Variants in CAMKMT observed in about 807,000 individuals in gnomAD.
CAMKMT encodes the protein CaM KMT.
A neutral mutation model predicts 48.0 loss-of-function variants in CAMKMT; 53 were observed. That is an observed-to-expected ratio of 1.10 (90% CI 0.89 to 1.39). The LOEUF (loss-of-function observed/expected upper bound fraction) is 1.39. Ranked by LOEUF, CAMKMT falls within the 40% of genes most tolerant of loss-of-function variation. The pLI is 0.00. For missense variants in CAMKMT, 428 were observed against 402.7 expected, an observed-to-expected ratio of 1.06 and a Z score of -0.54; for synonymous variants, 165 against 152.3, an observed-to-expected ratio of 1.08 and a Z score of -0.61.
rs1211773504 is a variant in CAMKMT at position 44,561,710 on chromosome 2, T to C, written c.377-142573T>C. Among the ~76,000 whole-genome samples the C allele has an allele frequency of 1.2e-4, 18 of 152,240 alleles. No homozygotes were observed. In the East Asian group the frequency reaches 3.5e-3, roughly 29 times the overall value. The stretch of plus-strand genomic sequence containing the variant: ...AAGCTATAGATAGACAACAATATTA[T>C]GGGGTTTAGAGCAAGTTGCACTTAA... On this transcript the variant is annotated intron_variant, in intron 3 of 10. Coordinates refer to ENST00000378494, the MANE Select transcript of CAMKMT (RefSeq NM_024766.5).
chr2:44,612,814 A>G (rs560999735), intron 3 of CAMKMT, among the ~76,000 whole-genome samples: 10 of 152,296 alleles, frequency 6.6e-5, no homozygotes, highest in South Asian at 2.1e-4. Context: ...TAGTAAGACT[A>G]TTTTAATTAT....
At position 44,390,240 on chromosome 2, in the gene CAMKMT, G is replaced by A. The variant is rs758160281; in HGVS notation, c.312-1G>A. On this transcript the variant is annotated splice_acceptor_variant, in intron 2 of 10. Transcript: ENST00000378494. LOFTEE classifies it high-confidence loss of function. ...AAAGCAAACGCTTTACTCCTTTCTA[G>A]GCATAATAGTGGATCCTTGAATGTT... 1 of 1,603,652 alleles carries A rather than the reference G, an allele frequency of 6.2e-7. No individual in the cohort carries two copies. Among genetic ancestry groups the A allele is most frequent in the South Asian group, 1.1e-5 (1 of 88,860 alleles).
At chr2:44,543,970 A>T (rs1484954691) in intron 3 of CAMKMT, among the ~76,000 whole-genome samples, 2 of 152,172 alleles carry the variant, frequency 1.3e-5, no homozygotes, top group Non-Finnish European at 1.5e-5. Context: ...GGTTTAACCA[A>T]AGCTCAGGGG....
chr2:44,465,164 TTA>T (rs1668045404), intron 3 of CAMKMT, among the ~76,000 whole-genome samples: 1 of 152,130 alleles, frequency 6.6e-6, no homozygotes, highest in Non-Finnish European at 1.5e-5. Flanking sequence ...AATGAAATAT[TTA>T]TATGTGATTT....
chr2:44,575,156 G>T (rs961630295), intron 3 of CAMKMT, among the ~76,000 whole-genome samples: 1 of 152,102 alleles, frequency 6.6e-6, no homozygotes, highest in African/African-American at 2.4e-5. Context: ...TCGGCTCACT[G>T]CAACCTCCGT....
rs959710254 is a variant in CAMKMT, at chr2:44,563,264, A to T, written c.377-141019A>T. On this transcript the variant is annotated intron_variant, in intron 3 of 10. Transcript: ENST00000378494. ...TTTTTGTTTCTTTCTTAAAAAAAGGATTATACTACCTGTACTGTTTTATAA... is the reference window on the plus strand; with the variant it reads ...TTTTTGTTTCTTTCTTAAAAAAAGGTTTATACTACCTGTACTGTTTTATAA... 4.6e-5 allele frequency among the ~76,000 whole-genome samples: 7 copies of T among 151,480 alleles called. 1 individual carries two copies. Among genetic ancestry groups the T allele is most frequent in the African/African-American group, 7.3e-5 (3 of 41,206 alleles).
At chr2:44,700,979 T>C (rs1360529988) in intron 3 of CAMKMT, among the ~76,000 whole-genome samples, 1 of 152,254 alleles carries the variant, frequency 6.6e-6, no homozygotes, top group East Asian at 1.9e-4. Flanking sequence ...TCAGTTCTTC[T>C]TTTATTGTCA....
chr2:44,662,080 G>C (rs2104086954), intron 3 of CAMKMT, among the ~76,000 whole-genome samples: 1 of 152,318 alleles, frequency 6.6e-6, no homozygotes, highest in East Asian at 1.9e-4. Context: ...AACTTAATCA[G>C]AGACTAACAG....
intron 8 of CAMKMT, among the ~76,000 whole-genome samples, chr2:44,752,900 G>C (rs1047228216): frequency 5.3e-5 from 8 of 152,110 alleles, no homozygotes; most frequent in African/African-American, 1.9e-4. Context: ...ATAGCATCAG[G>C]CATGGCCAAG....
chr2:44,534,979 A>T (rs1371858981), intron 3 of CAMKMT, among the ~76,000 whole-genome samples: 1 of 152,066 alleles, frequency 6.6e-6, no homozygotes, highest in Non-Finnish European at 1.5e-5. Context: ...ATAAATGGCT[A>T]TAACCAAAAA....
At chr2:44,665,599 T>A (rs1397642623) in intron 3 of CAMKMT, among the ~76,000 whole-genome samples, 1 of 152,184 alleles carries the variant, frequency 6.6e-6, no homozygotes, top group Non-Finnish European at 1.5e-5. Flanking sequence ...TTTAAGGCAT[T>A]TGTCCCTCAA....
At chr2:44,603,420 A>G (rs1392368287) in intron 3 of CAMKMT, among the ~76,000 whole-genome samples, 3 of 152,214 alleles carry the variant, frequency 2.0e-5, no homozygotes, top group Admixed American at 2.0e-4. Context: ...ATTCTTTTAC[A>G]TTTATTAATT....
At chr2:44,616,852 C>A (rs1671921587) in intron 3 of CAMKMT, among the ~76,000 whole-genome samples, 1 of 152,074 alleles carries the variant, frequency 6.6e-6, no homozygotes, top group South Asian at 2.1e-4. Flanking sequence ...TATGCAGCTG[C>A]TTTGATGAAG....
Position 44,372,894 on chromosome 2 carries a change from C to G in CAMKMT, c.311+6C>G, listed in dbSNP as rs373145972. 70 of 1,600,736 alleles carry G rather than the reference C, an allele frequency of 4.4e-5. No individual in the cohort carries two copies. Among genetic ancestry groups the G allele is most frequent in the Non-Finnish European group, 5.7e-5 (67 of 1,175,600 alleles). ...GAATACAGTATCTCCTTAAGGTAAC[C>G]ATTATTCTAGTTAAGATTTTGTAAA... On this transcript the variant is annotated splice_donor_region_variant and intron_variant, in intron 2 of 10. Transcript: ENST00000378494.
At chr2:44,648,251 A>G (rs550064089) in intron 3 of CAMKMT, among the ~76,000 whole-genome samples, 1 of 152,334 alleles carries the variant, frequency 6.6e-6, no homozygotes, top group African/African-American at 2.4e-5. Flanking sequence ...TGGAAGGCCC[A>G]CCTAATTGTC....
intron 9 of CAMKMT, among the ~76,000 whole-genome samples, chr2:44,761,503 A>G (rs1180755230): frequency 2.6e-5 from 4 of 152,236 alleles, no homozygotes; most frequent in Non-Finnish European, 5.9e-5. Flanking sequence ...CAGCACCCCA[A>G]TTACAAAACA....
intron 3 of CAMKMT, among the ~76,000 whole-genome samples, chr2:44,477,139 T>C (rs115501548): frequency 2.0e-5 from 3 of 152,350 alleles, no homozygotes; most frequent in African/African-American, 7.2e-5. Flanking sequence ...CCTATGTATT[T>C]AATCACTATC....
chr2:44,437,945 T>C (rs1265979988), intron 3 of CAMKMT, among the ~76,000 whole-genome samples: 1 of 151,902 alleles, frequency 6.6e-6, no homozygotes, highest in African/African-American at 2.4e-5. Flanking sequence ...CACCAAGTAA[T>C]GTGTGTTTTT....
At chr2:44,457,616 C>G (rs1394940254) in intron 3 of CAMKMT, among the ~76,000 whole-genome samples, 1 of 152,042 alleles carries the variant, frequency 6.6e-6, no homozygotes, top group East Asian at 1.9e-4. Flanking sequence ...CCAGGCTGGT[C>G]TCAAACTCCT....
Sources: allele counts gnomAD v4.1 joint callset (sites outside exome capture counted in the v4.1 genomes callset), GRCh38; gene constraint gnomAD v4.1.1; transcripts MANE v1.5; gene names NCBI Gene and HGNC (gene_info 2026-07-23, HGNC 2026-07-21).